Variants in MFSD11 observed in about 807,000 individuals in gnomAD.
MFSD11 encodes major facilitator superfamily domain containing 11.
A neutral mutation model predicts 53.5 loss-of-function variants in MFSD11; 36 were observed. The ratio of observed to expected loss-of-function variants is 0.67; its 90% CI spans 0.52 to 0.89. The LOEUF is 0.89. Ranked by LOEUF, MFSD11 falls within the 40% of genes least tolerant of loss-of-function variation. MFSD11 has a pLI of 0.00. For missense variants in MFSD11, 530 were observed against 543.9 expected, an observed-to-expected ratio of 0.97 and a Z score of 0.25; for synonymous variants, 186 against 184.9, an observed-to-expected ratio of 1.01 and a Z score of -0.05.
intron 7 of MFSD11, among the ~76,000 whole-genome samples, chr17:76,753,409 A>T (rs1259996386): frequency 6.6e-6 from 1 of 152,162 alleles, no homozygotes; most frequent in African/African-American, 2.4e-5. Context: ...GTGGTGGCTC[A>T]TGCCTGGAAT....
At chr17:76,787,778 A>C in the MFSD11 span, among the ~76,000 whole-genome samples, 2 of 143,424 alleles carry the variant, frequency 1.4e-5, no homozygotes, top group African/African-American at 5.8e-5. Flanking sequence ...CCCAGCCATG[A>C]CCGGGGAAAA....
chr17:76,770,137 A>G (rs2081265071), intron 10 of MFSD11, among the ~76,000 whole-genome samples: 1 of 148,272 alleles, frequency 6.7e-6, no homozygotes, highest in Non-Finnish European at 1.5e-5. Flanking sequence ...TCCCGGGTTC[A>G]CGCCATTCTT....
intron 7 of MFSD11, among the ~76,000 whole-genome samples, chr17:76,752,364 G>A (rs985512162): frequency 1.3e-5 from 2 of 151,570 alleles, no homozygotes; most frequent in African/African-American, 4.8e-5. Context: ...GTAGTGTTTC[G>A]GCAGTAGTCT....
At position 76,741,062 on chromosome 17, in the gene MFSD11, C is replaced by T. The variant is rs2078035275; in HGVS notation, c.258C>T (p.Tyr86=). 6.4e-7 allele frequency: 1 copy of T among 1,562,292 alleles called. No individual in the cohort carries two copies. Among genetic ancestry groups the T allele is most frequent in the African/African-American group, 1.4e-5 (1 of 73,732 alleles). The part of the protein sequence containing the change: ...QLSMFASGLF[Y]SMYIAVFIQP... ...CTATGTTTGCCAGTGGTTTATTTTA[C>T]AGGTAAGTAGTGTAATCTTGCACTT... The change falls in exon 3 of 13, where the codon TAC becomes TAT. Residue 86 remains tyrosine, a splice_region_variant and synonymous_variant. Coordinates refer to ENST00000685175, the MANE Select transcript of MFSD11 (RefSeq NM_001242532.5).
chr17:76,786,514 C>T, the MFSD11 span, among the ~76,000 whole-genome samples: 1 of 152,170 alleles, frequency 6.6e-6, no homozygotes, highest in Admixed American at 6.5e-5. Flanking sequence ...AACAGTGACG[C>T]AGTCAGAATG....
upstream of MFSD11, chr17:76,737,263 C>A: frequency 1.4e-6 from 2 of 1,430,634 alleles, no homozygotes; most frequent in Middle Eastern, 2.2e-4. Context: ...CGCGTGGGGA[C>A]ACTGGGAAAG....
intron 8 of MFSD11, among the ~76,000 whole-genome samples, chr17:76,761,131 G>T (rs939341312): frequency 3.3e-5 from 5 of 152,048 alleles, no homozygotes; most frequent in African/African-American, 9.7e-5. Flanking sequence ...CTTGAACCTG[G>T]GAGACAGAGA....
At chr17:76,759,097 TA>T (rs1278175877) in intron 8 of MFSD11, among the ~76,000 whole-genome samples, 1 of 151,788 alleles carries the variant, frequency 6.6e-6, no homozygotes, top group African/African-American at 2.4e-5. Context: ...AATAAAAAAA[TA>T]AAATAAAAAT....
intron 8 of MFSD11, among the ~76,000 whole-genome samples, chr17:76,756,199 TGCAA>T (rs2079614148): frequency 6.7e-6 from 1 of 149,474 alleles, no homozygotes; most frequent in South Asian, 2.1e-4. Flanking sequence ...CTTGGCTCAC[TGCAA>T]CCTCTGCCTC....
downstream of MFSD11, among the ~76,000 whole-genome samples, chr17:76,784,276 C>G (rs2082239488): frequency 6.6e-6 from 1 of 152,180 alleles, no homozygotes; most frequent in Non-Finnish European, 1.5e-5. Context: ...TGGCTCAAGC[C>G]TGTAATCCCA....
chr17:76,738,212 G>C lies in MFSD11; in HGVS notation c.-141G>C. 3.2e-6 allele frequency: 2 copies of C among 630,872 alleles called. No homozygotes were observed. Among genetic ancestry groups the C allele is most frequent in the Non-Finnish European group, 5.6e-6 (2 of 355,586 alleles). The allele number at this position is 630,872 out of a possible 1,614,324, so 39.1% of individuals were successfully genotyped here. On this transcript the variant is annotated 5_prime_UTR_variant, in exon 1 of 13. Transcript: ENST00000685175. ...ACCTGGGGTTCCGATCCAGGAACTG[G>C]AAGTTGACAGCTTGGCTGCCTGGCT...
At position 76,739,004 on chromosome 17, in the gene MFSD11, G is replaced by T. The variant is rs761144932; in HGVS notation, c.152+11G>T. ...CAGTGGATATACCAGGTATTGTACCGTATGATTGATTTTGCTTTATATTTG... is the reference window on the plus strand; with the variant it reads ...CAGTGGATATACCAGGTATTGTACCTTATGATTGATTTTGCTTTATATTTG... On this transcript the variant is annotated intron_variant, in intron 2 of 12. Coordinates refer to ENST00000685175, the MANE Select transcript of MFSD11 (RefSeq NM_001242532.5). The T allele has an allele frequency of 6.2e-7, 1 of 1,607,342 alleles. No individual in the cohort carries two copies. The highest frequency in any genetic ancestry group is 2.2e-5 in the East Asian group (1 of 44,822).
downstream of MFSD11, among the ~76,000 whole-genome samples, chr17:76,781,997 T>TG (rs1050243502): frequency 6.6e-6 from 1 of 150,932 alleles, no homozygotes; most frequent in African/African-American, 2.5e-5. Context: ...AATTTTTTTT[T>TG]TTTTTTTGTA....
intron 8 of MFSD11, among the ~76,000 whole-genome samples, chr17:76,758,889 T>C (rs2079916510): frequency 6.6e-6 from 1 of 152,050 alleles, no homozygotes; most frequent in African/African-American, 2.4e-5. Flanking sequence ...TTTGACTCCC[T>C]CAATACTTAA....
At chr17:76,802,461 CT>C in the MFSD11 span, among the ~76,000 whole-genome samples, 1 of 152,192 alleles carries the variant, frequency 6.6e-6, no homozygotes, top group African/African-American at 2.4e-5. Context: ...GCAACTCTAA[CT>C]CTTAGAAATT....
In MFSD11 at chr17:76,769,727, T is replaced by A. The variant is rs2081220442; in HGVS notation, c.749-19T>A. The A allele has an allele frequency of 6.4e-7, 1 of 1,568,412 alleles. No individual in the cohort carries two copies. Among genetic ancestry groups the A allele is most frequent in the Non-Finnish European group, 8.6e-7 (1 of 1,159,004 alleles). On this transcript the variant is annotated intron_variant, in intron 9 of 12. Coordinates refer to ENST00000685175, the MANE Select transcript of MFSD11 (RefSeq NM_001242532.5). ...ATGTGAATATATAAATGACATCTGT[T>A]TTTTTTCTTTAACTAAAGGTCTGGA...
downstream of MFSD11, among the ~76,000 whole-genome samples, chr17:76,783,865 C>A (rs1212779142): frequency 6.6e-6 from 1 of 151,958 alleles, no homozygotes; most frequent in Non-Finnish European, 1.5e-5. Context: ...CTCCTGACCC[C>A]CTTGGGAGTT....
chr17:76,784,284 C>T (rs2082239757), downstream of MFSD11, among the ~76,000 whole-genome samples: 1 of 152,232 alleles, frequency 6.6e-6, no homozygotes, highest in East Asian at 1.9e-4. Context: ...GCCTGTAATC[C>T]CAGCACTTTG....
chr17:76,784,826 G>A (rs1257800684), downstream of MFSD11, among the ~76,000 whole-genome samples: 2 of 152,108 alleles, frequency 1.3e-5, no homozygotes, highest in African/African-American at 4.8e-5. Context: ...TGGAACCCAG[G>A]AGACAGAGGT....
Sources: gnomAD v4.1 joint callset for allele counts (sites outside exome capture counted in the v4.1 genomes callset) on GRCh38, gnomAD v4.1.1 for gene constraint, MANE v1.5 for transcripts, NCBI Gene and HGNC (gene_info 2026-07-23, HGNC 2026-07-21) for gene names.